Variants in CHN1 observed in about 807,000 individuals in gnomAD.
The protein encoded by CHN1 is chimerin 1.
CHN1 carries 37 observed loss-of-function variants against 59.5 expected under a neutral mutation model. The observed-to-expected ratio is 0.62, with a 90% CI of 0.48 to 0.82. The LOEUF is 0.82. CHN1 is among the 40% of genes least tolerant of loss of function. CHN1 has a pLI of 0.00. For missense variants in CHN1, 469 were observed against 571.0 expected (o/e 0.82, Z 1.82); for synonymous variants, 206 against 200.4 (o/e 1.03, Z -0.24).
chr2:174,943,872 G>A (rs1288372307), intron 3 of CHN1, among the ~76,000 whole-genome samples: 3 of 152,094 alleles, frequency 2.0e-5, no homozygotes, highest in African/African-American at 7.2e-5. Context: ...TGCCCAGGCT[G>A]GTCTTGAACT....
chr2:174,920,665 A>G (rs1688989250), intron 3 of CHN1, among the ~76,000 whole-genome samples: 1 of 152,154 alleles, frequency 6.6e-6, no homozygotes, highest in Non-Finnish European at 1.5e-5. Flanking sequence ...CAGCATAGAA[A>G]AACTTTTGTG....
chr2:174,874,872 CTTT>C (rs11406785), intron 6 of CHN1, among the ~76,000 whole-genome samples: 1 of 122,712 alleles, frequency 8.1e-6, no homozygotes, highest in Admixed American at 9.3e-5. Flanking sequence ...TTTATTTATT[CTTT>C]TTTTTTTTTT....
chr2:174,834,387 T>A (rs1408948819), intron 7 of CHN1, among the ~76,000 whole-genome samples: 1 of 152,208 alleles, frequency 6.6e-6, no homozygotes, highest in African/African-American at 2.4e-5. Context: ...AGTTCTAAAT[T>A]TCCACCTGGT....
intron 1 of CHN1, among the ~76,000 whole-genome samples, chr2:174,991,845 T>C (rs1255032246): frequency 1.3e-5 from 2 of 152,224 alleles, no homozygotes; most frequent in Non-Finnish European, 2.9e-5. Flanking sequence ...AACAAATATT[T>C]TCAAGTACCT....
rs553705265 is a variant in CHN1, at chr2:174,819,711, T to C, written c.712+4723A>G. 2.0e-5 allele frequency among the ~76,000 whole-genome samples: 3 copies of C among 152,120 alleles called. No individual in the cohort carries two copies. The South Asian group carries it at 6.2e-4, about 32-fold the overall frequency. On this transcript the variant is annotated intron_variant, in intron 8 of 12. Transcript: ENST00000409900. ...TAAGTTTTAGGGTACATGTGCACAATGTGCAGGTTAGTTACATATGTATAC... is the reference window on the plus strand; with the variant it reads ...TAAGTTTTAGGGTACATGTGCACAACGTGCAGGTTAGTTACATATGTATAC...
chr2:174,816,837 C>T (rs1279809864), intron 8 of CHN1, among the ~76,000 whole-genome samples: 2 of 152,072 alleles, frequency 1.3e-5, no homozygotes. Context: ...ATTCAACAAC[C>T]TTCATAATCT....
intron 1 of CHN1, among the ~76,000 whole-genome samples, chr2:174,993,345 A>G (rs1304139258): frequency 6.6e-6 from 1 of 152,126 alleles, no homozygotes; most frequent in African/African-American, 2.4e-5. Flanking sequence ...ACCTATCATG[A>G]TTATCTTAAA....
chr2:174,912,632 T>C (rs534864931), intron 5 of CHN1, among the ~76,000 whole-genome samples: 1 of 152,286 alleles, frequency 6.6e-6, no homozygotes, highest in African/African-American at 2.4e-5. Context: ...TAAAAACAAA[T>C]TGATGTGAAC....
chr2:174,899,713 T>C (rs1024564490), intron 5 of CHN1, among the ~76,000 whole-genome samples: 2 of 152,220 alleles, frequency 1.3e-5, no homozygotes, highest in Non-Finnish European at 2.9e-5. Flanking sequence ...AAAATAAATG[T>C]AACCTCAATT....
chr2:174,901,544 G>C (rs1245964367), intron 5 of CHN1, among the ~76,000 whole-genome samples: 1 of 152,084 alleles, frequency 6.6e-6, no homozygotes, highest in Admixed American at 6.6e-5. Context: ...GGCATTTGTG[G>C]GACAATTCAT....
chr2:174,940,650 T>C (rs1434787346), intron 3 of CHN1, among the ~76,000 whole-genome samples: 4 of 152,204 alleles, frequency 2.6e-5, no homozygotes, highest in African/African-American at 9.6e-5. Flanking sequence ...TAAACAGTTT[T>C]GGCAAAAATA....
At chr2:174,997,577 TTCAG>T (rs1200643236) in intron 1 of CHN1, among the ~76,000 whole-genome samples, 2 of 152,248 alleles carry the variant, frequency 1.3e-5, no homozygotes, top group Non-Finnish European at 2.9e-5. Context: ...GAAAAAATAT[TTCAG>T]TCAAACAGAT....
intron 3 of CHN1, among the ~76,000 whole-genome samples, chr2:174,940,927 T>C (rs913900984): frequency 3.3e-5 from 5 of 152,206 alleles, no homozygotes; most frequent in Non-Finnish European, 7.3e-5. Context: ...ATTAGTGATT[T>C]TGTAATTTTA....
At chr2:174,942,158 G>T (rs184655596) in intron 3 of CHN1, among the ~76,000 whole-genome samples, 1 of 152,098 alleles carries the variant, frequency 6.6e-6, no homozygotes, top group East Asian at 1.9e-4. Flanking sequence ...TCATTACTGG[G>T]GTTATATCCA....
At chr2:174,894,171 A>G (rs987012368) in intron 5 of CHN1, among the ~76,000 whole-genome samples, 2 of 152,150 alleles carry the variant, frequency 1.3e-5, no homozygotes, top group Non-Finnish European at 2.9e-5. Flanking sequence ...ACAGAGTGAA[A>G]AGGTAACCTA....
chr2:174,905,072 T>A (rs1048187785), intron 5 of CHN1, among the ~76,000 whole-genome samples: 1 of 152,152 alleles, frequency 6.6e-6, no homozygotes, highest in Admixed American at 6.5e-5. Context: ...AGAGTAAAGA[T>A]TTGGAAATGT....
intron 7 of CHN1, among the ~76,000 whole-genome samples, chr2:174,842,968 T>A (rs1410025901): frequency 6.6e-6 from 1 of 152,208 alleles, no homozygotes; most frequent in East Asian, 1.9e-4. Context: ...AATTCAAGAC[T>A]ACCTTAAAAA....
intron 5 of CHN1, among the ~76,000 whole-genome samples, chr2:174,881,855 G>A (rs1687748195): frequency 6.6e-6 from 1 of 152,178 alleles, no homozygotes; most frequent in South Asian, 2.1e-4. Flanking sequence ...GGAGGAGCAA[G>A]CAAAGAAGGT....
chr2:174,799,958 T>C lies in CHN1; in HGVS notation c.*158A>G. The C allele has an allele frequency of 1.4e-6, 1 of 725,920 alleles. No homozygotes were observed. Among genetic ancestry groups the C allele is most frequent in the Non-Finnish European group, 2.4e-6 (1 of 410,736 alleles). The allele number at this position is 725,920 out of a possible 1,614,324, so 45.0% of individuals were successfully genotyped here. A position where few individuals can be genotyped will look rare whatever the true frequency, so the allele number is the denominator to read the frequency against. On this transcript the variant is annotated 3_prime_UTR_variant, in exon 13 of 13. Coordinates refer to ENST00000409900, the MANE Select transcript of CHN1 (RefSeq NM_001822.7). ...TGTGTTCACTGTTTTACAAGACAGC[T>C]GAGCGGTGCTACAAAAACAACAGAA...
Sources: allele counts gnomAD v4.1 joint callset (sites outside exome capture counted in the v4.1 genomes callset), GRCh38; gene constraint gnomAD v4.1.1; transcripts MANE v1.5; gene names NCBI Gene and HGNC (gene_info 2026-07-23, HGNC 2026-07-21).